TRDN: variants seen among roughly 807,000 people sequenced by gnomAD.
The protein encoded by TRDN is triadin.
A neutral mutation model predicts 149.7 loss-of-function variants in TRDN; 161 were observed. The observed-to-expected ratio is 1.08, with a 90% CI of 0.95 to 1.23. The LOEUF (loss-of-function observed/expected upper bound fraction) is 1.23, where lower values mean the gene tolerates loss of function less well. Among genes scored for constraint, TRDN ranks in the 50% most tolerant of loss-of-function variants. The pLI is 0.00. For missense variants in TRDN, 896 were observed against 823.5 expected (o/e 1.09, Z -1.08); for synonymous variants, 294 against 250.5 (o/e 1.17, Z -1.64).
At chr6:123,408,320 T>C (rs1304630653) in intron 12 of TRDN, among the ~76,000 whole-genome samples, 1 of 152,216 alleles carries the variant, frequency 6.6e-6, no homozygotes, top group Non-Finnish European at 1.5e-5. Context: ...TAAGGTCATA[T>C]TTTATATTTT....
At chr6:123,507,375 G>A (rs1778978050) in intron 7 of TRDN, among the ~76,000 whole-genome samples, 1 of 151,868 alleles carries the variant, frequency 6.6e-6, no homozygotes, top group Non-Finnish European at 1.5e-5. Context: ...CACATATATA[G>A]CCAACTCATT....
intron 19 of TRDN, among the ~76,000 whole-genome samples, chr6:123,367,158 C>G (rs1217199508): frequency 6.6e-6 from 1 of 151,854 alleles, no homozygotes; most frequent in Admixed American, 6.6e-5. Context: ...GATCACAAAT[C>G]AAAGCTAGTT....
intron 10 of TRDN, chr6:123,456,982 T>C (rs535210339): frequency 8.5e-6 from 3 of 352,248 alleles, no homozygotes; most frequent in Middle Eastern, 6.5e-4. Flanking sequence ...GCAAGAGCAT[T>C]GGAGGAAACA....
chr6:123,266,053 T>C (rs372801814), intron 32 of TRDN, among the ~76,000 whole-genome samples: 4 of 139,390 alleles, frequency 2.9e-5, no homozygotes, highest in South Asian at 4.3e-4. Flanking sequence ...TACAAATTGA[T>C]ACTTTTTTTG....
At chr6:123,236,327 T>C (rs180681838) in intron 38 of TRDN, among the ~76,000 whole-genome samples, 58 of 152,338 alleles carry the variant, frequency 3.8e-4, no homozygotes, top group African/African-American at 1.3e-3. Flanking sequence ...AACTATGTGT[T>C]AAAATCTTTT....
chr6:123,480,605 A>G, intron 9 of TRDN, among the ~76,000 whole-genome samples: 1 of 152,038 alleles, frequency 6.6e-6, no homozygotes. Flanking sequence ...TGTATTAATG[A>G]CTCACTAAAA....
chr6:123,243,568 A>G (rs1776066993), intron 38 of TRDN, among the ~76,000 whole-genome samples: 1 of 152,172 alleles, frequency 6.6e-6, no homozygotes, highest in Non-Finnish European at 1.5e-5. Flanking sequence ...GGAAATTTAA[A>G]AAAGAGATAG....
chr6:123,400,812 T>A (rs1772935255), intron 12 of TRDN, among the ~76,000 whole-genome samples: 1 of 152,208 alleles, frequency 6.6e-6, no homozygotes, highest in African/African-American at 2.4e-5. Context: ...CTGTTTTTCC[T>A]TTCCTAGAAA....
intron 12 of TRDN, among the ~76,000 whole-genome samples, chr6:123,431,138 A>G (rs1318710117): frequency 2.0e-5 from 3 of 152,180 alleles, no homozygotes; most frequent in African/African-American, 7.2e-5. Context: ...TGTTTTTAAC[A>G]CAGTCAAGAC....
At chr6:123,240,937 T>C (rs914930155) in intron 38 of TRDN, among the ~76,000 whole-genome samples, 4 of 151,894 alleles carry the variant, frequency 2.6e-5, no homozygotes, top group African/African-American at 9.7e-5. Context: ...TTGAATTTGG[T>C]TATGCTAGAA....
chr6:123,349,909 T>C (rs966119237), intron 21 of TRDN: 6 of 984,868 alleles, frequency 6.1e-6, no homozygotes, highest in Middle Eastern at 5.2e-4. Flanking sequence ...TGTGACAACG[T>C]AAAACACTAT....
intron 29 of TRDN, among the ~76,000 whole-genome samples, chr6:123,272,634 T>C (rs541833658): frequency 1.3e-5 from 2 of 151,950 alleles, no homozygotes; most frequent in Non-Finnish European, 2.9e-5. Flanking sequence ...CCAATCTGAA[T>C]TACAAGTTTG....
chr6:123,589,607 G>C (rs1272000391), intron 1 of TRDN, among the ~76,000 whole-genome samples: 1 of 152,078 alleles, frequency 6.6e-6, no homozygotes, highest in African/African-American at 2.4e-5. Flanking sequence ...TCTTCCTTAA[G>C]AATTAATCAT....
intron 23 of TRDN, among the ~76,000 whole-genome samples, chr6:123,327,085 A>G (rs1233276159): frequency 1.3e-5 from 2 of 152,006 alleles, no homozygotes; most frequent in Non-Finnish European, 2.9e-5. Context: ...TTTTGCGCAA[A>G]TATGAGAGCG....
chr6:123,378,700 A>T (rs1230222362), intron 16 of TRDN, among the ~76,000 whole-genome samples: 6 of 152,206 alleles, frequency 3.9e-5, no homozygotes, highest in Admixed American at 2.0e-4. Flanking sequence ...GAATCTTCTT[A>T]CATGGAAGAA....
At position 123,284,078 on chromosome 6, in the gene TRDN, T is replaced by G. The variant is rs1777712546; in HGVS notation, c.1511-4996A>C. On this transcript the variant is annotated intron_variant, in intron 24 of 40. Coordinates refer to ENST00000334268, the MANE Select transcript of TRDN (RefSeq NM_006073.4). ...TAAAAAATAAATAAAATGCACTAAC[T>G]CTTGCCCCCCCCCCAAAAATTGGTA... Among the ~76,000 whole-genome samples the G allele has an allele frequency of 4.0e-5, 5 of 126,154 alleles. No individual in the cohort carries two copies. The South Asian group carries it at 1.4e-3, about 35-fold the overall frequency. 82.8% of individuals were successfully genotyped at this position (126,154 alleles called of 152,430 possible). A position where few individuals can be genotyped will look rare whatever the true frequency, so the allele number is the denominator to read the frequency against.
In TRDN at chr6:123,583,080, T is replaced by C. The variant is rs561700943; in HGVS notation, c.23-11948A>G. ...AAGAATTGGGATGACTCAGGACATCTGCTTAGAGAGTGCCTAAGGAGATCA... is the reference window on the plus strand; with the variant it reads ...AAGAATTGGGATGACTCAGGACATCCGCTTAGAGAGTGCCTAAGGAGATCA... On this transcript the variant is annotated intron_variant, in intron 1 of 40. Transcript: ENST00000334268. 2.6e-5 allele frequency among the ~76,000 whole-genome samples: 4 copies of C among 152,258 alleles called. No homozygotes were observed. The South Asian group carries it at 6.2e-4, about 24-fold the overall frequency.
At chr6:123,499,719 A>AAAAAAAAAAAAAAAATATATATAT in intron 8 of TRDN, among the ~76,000 whole-genome samples, 3 of 47,674 alleles carry the variant, frequency 6.3e-5, no homozygotes, top group Admixed American at 3.0e-4. Flanking sequence ...AAAAAAAAAA[A>AAAAAAAAAAAAAAAATATATATAT]ATATATATAT....
chr6:123,284,082 GCC>G (rs141393840), intron 24 of TRDN, among the ~76,000 whole-genome samples: 2 of 105,460 alleles, frequency 1.9e-5, no homozygotes, highest in African/African-American at 7.6e-5. Context: ...ACTAACTCTT[GCC>G]CCCCCCCCAA....
Sources: gnomAD v4.1 joint callset for allele counts (sites outside exome capture counted in the v4.1 genomes callset) on GRCh38, gnomAD v4.1.1 for gene constraint, MANE v1.5 for transcripts, NCBI Gene and HGNC (gene_info 2026-07-23, HGNC 2026-07-21) for gene names.